The following STXBP6 variants were observed in gnomAD, a reference collection of about 807,000 sequenced individuals.
The protein encoded by STXBP6 is syntaxin binding protein 6.
Under a neutral mutation model 26.9 loss-of-function variants are expected in STXBP6, and 21 were observed. That is an observed-to-expected ratio of 0.78 (90% CI 0.55 to 1.12). The LOEUF is 1.12. Ranked by LOEUF, STXBP6 falls within the 50% of genes most tolerant of loss-of-function variation. The pLI is 0.00. For missense variants in STXBP6, 232 were observed against 257.9 expected (o/e 0.90, Z 0.69); for synonymous variants, 97 against 92.6 (o/e 1.05, Z -0.27).
At chr14:24,930,339 T>C (rs1345687647) in intron 2 of STXBP6, among the ~76,000 whole-genome samples, 1 of 152,272 alleles carries the variant, frequency 6.6e-6, no homozygotes, top group Admixed American at 6.5e-5. Context: ...GAGAAATAAA[T>C]CTTTTATGAT....
chr14:24,907,608 C>A (rs1173450435), intron 2 of STXBP6, among the ~76,000 whole-genome samples: 2 of 151,804 alleles, frequency 1.3e-5, no homozygotes, highest in African/African-American at 4.8e-5. Flanking sequence ...TCTTTTGTGG[C>A]TGATTACTCA....
intron 2 of STXBP6, among the ~76,000 whole-genome samples, chr14:24,869,065 G>A (rs2069829738): frequency 6.6e-6 from 1 of 152,172 alleles, no homozygotes; most frequent in Non-Finnish European, 1.5e-5. Context: ...CATTCTTCAG[G>A]TACCTGGTAG....
chr14:25,017,384 G>A (rs1387639407), intron 1 of STXBP6, among the ~76,000 whole-genome samples: 2 of 152,196 alleles, frequency 1.3e-5, no homozygotes, highest in Non-Finnish European at 2.9e-5. Context: ...ATGGAAACTG[G>A]TATGAGGGAA....
At chr14:24,976,852 C>CTTTTATTTTTTTT (rs2074058149) in intron 1 of STXBP6, among the ~76,000 whole-genome samples, 1 of 45,276 alleles carries the variant, frequency 2.2e-5, no homozygotes, top group African/African-American at 1.1e-4. Context: ...ACTGGGCGCT[C>CTTTTATTTTTTTT]TTTTTTTTTT....
At chr14:24,884,488 A>G (rs2070493995) in intron 2 of STXBP6, among the ~76,000 whole-genome samples, 1 of 152,216 alleles carries the variant, frequency 6.6e-6, no homozygotes, top group Non-Finnish European at 1.5e-5. Flanking sequence ...TAATTCTAAT[A>G]TAGCTTACTT....
chr14:24,963,175 C>T (rs1229391443), intron 2 of STXBP6, among the ~76,000 whole-genome samples: 3 of 152,018 alleles, frequency 2.0e-5, no homozygotes, highest in Non-Finnish European at 2.9e-5. Flanking sequence ...TCAAAAATCA[C>T]GGATCCAAGA....
intron 5 of STXBP6, chr14:24,817,962 G>T: frequency 2.3e-6 from 1 of 438,924 alleles, no homozygotes. Flanking sequence ...TGGATCCCCA[G>T]CTGGACCTGA....
At chr14:24,935,251 C>A (rs2072554707) in intron 2 of STXBP6, among the ~76,000 whole-genome samples, 1 of 152,068 alleles carries the variant, frequency 6.6e-6, no homozygotes, top group Admixed American at 6.5e-5. Context: ...CTCTTATGTG[C>A]AAATAGGTTT....
chr14:24,848,438 C>T (rs1006978132), intron 4 of STXBP6, among the ~76,000 whole-genome samples: 10 of 152,070 alleles, frequency 6.6e-5, no homozygotes, highest in Non-Finnish European at 1.2e-4. Flanking sequence ...AAAATAGGAA[C>T]GGCTCTTATC....
intron 2 of STXBP6, among the ~76,000 whole-genome samples, chr14:24,895,227 A>AT (rs1313635774): frequency 6.6e-5 from 10 of 152,286 alleles, no homozygotes; most frequent in African/African-American, 1.9e-4. Flanking sequence ...AAGTGTCCAG[A>AT]TTTTTTTCAT....
At chr14:24,932,111 A>G (rs1372163270) in intron 2 of STXBP6, among the ~76,000 whole-genome samples, 2 of 152,120 alleles carry the variant, frequency 1.3e-5, no homozygotes, top group Admixed American at 6.5e-5. Context: ...ATTTCGATTA[A>G]TAAGATTTAG....
chr14:24,979,055 A>G (rs779374137), intron 1 of STXBP6, among the ~76,000 whole-genome samples: 2 of 152,194 alleles, frequency 1.3e-5, no homozygotes, highest in African/African-American at 4.8e-5. Flanking sequence ...AGTTCTAGGG[A>G]AGTATAGTCT....
At chr14:24,863,854 A>G (rs2069627081) in intron 2 of STXBP6, among the ~76,000 whole-genome samples, 1 of 152,164 alleles carries the variant, frequency 6.6e-6, no homozygotes, top group South Asian at 2.1e-4. Context: ...TGAATTATAG[A>G]ACCTAGTTAA....
chr14:24,812,801 C>G, intron 5 of STXBP6, 69 bp from the exon 6 acceptor site: 1 of 1,467,858 alleles, frequency 6.8e-7, no homozygotes, highest in South Asian at 1.1e-5. Flanking sequence ...TTTCACTGTG[C>G]TGCTCCCTCT....
At chr14:25,023,995 C>T (rs1165402078) in intron 1 of STXBP6, among the ~76,000 whole-genome samples, 1 of 152,058 alleles carries the variant, frequency 6.6e-6, no homozygotes, top group African/African-American at 2.4e-5. Context: ...CACCACAAAA[C>T]CATAACAAAC....
intron 2 of STXBP6, among the ~76,000 whole-genome samples, chr14:24,955,516 T>C (rs1446295657): frequency 6.6e-6 from 1 of 152,204 alleles, no homozygotes; most frequent in Non-Finnish European, 1.5e-5. Context: ...GGAATATAAA[T>C]GCCCTAGCCA....
At position 24,896,887 on chromosome 14, in the gene STXBP6, G is replaced by C. The variant is rs576135171; in HGVS notation, c.155-39730C>G. 2.2e-4 allele frequency among the ~76,000 whole-genome samples: 34 copies of C among 152,260 alleles called. 1 individual carries two copies. Among genetic ancestry groups the C allele is most frequent in the African/African-American group, 8.2e-4 (34 of 41,540 alleles). ...ATGTCTGAGCTGGTAAGTGTTAGTG[G>C]GGCCCAAGTGAATGGGCATTTGGGG... On this transcript the variant is annotated intron_variant, in intron 2 of 5. Transcript: ENST00000323944.
intron 1 of STXBP6, among the ~76,000 whole-genome samples, chr14:25,047,039 C>A (rs1054179124): frequency 6.6e-6 from 1 of 152,104 alleles, no homozygotes; most frequent in Non-Finnish European, 1.5e-5. Context: ...GGTAAGCTGT[C>A]CATTCGGAAA....
chr14:24,823,435 C>A (rs2068197220), intron 4 of STXBP6, among the ~76,000 whole-genome samples: 1 of 152,162 alleles, frequency 6.6e-6, no homozygotes, highest in African/African-American at 2.4e-5. Context: ...GATCACCCTA[C>A]ACATCAGGGT....
Sources: allele counts gnomAD v4.1 joint callset (sites outside exome capture counted in the v4.1 genomes callset), GRCh38; gene constraint gnomAD v4.1.1; transcripts MANE v1.5; gene names NCBI Gene and HGNC (gene_info 2026-07-23, HGNC 2026-07-21).